Variants in SLC26A11 observed in about 807,000 individuals in gnomAD.
The protein encoded by SLC26A11 is solute carrier family 26 member 11, also known as sodium-independent sulfate anion transporter.
Under a neutral mutation model 62.2 loss-of-function variants are expected in SLC26A11, and 58 were observed. The observed-to-expected ratio is 0.93, with a 90% CI of 0.76 to 1.16. The LOEUF (loss-of-function observed/expected upper bound fraction) is 1.16. Ranked by LOEUF, SLC26A11 falls within the 50% of genes most tolerant of loss-of-function variation. The pLI is 0.00. For synonymous variants in SLC26A11, 411 were observed against 368.9 expected, an observed-to-expected ratio of 1.11 and a Z score of -1.31; for missense variants, 790 against 794.3, an observed-to-expected ratio of 0.99 and a Z score of 0.06.
chr17:80,233,591 T>TTTG (rs1485315811), intron 7 of SLC26A11, among the ~76,000 whole-genome samples: 1 of 151,554 alleles, frequency 6.6e-6, no homozygotes, highest in Admixed American at 6.6e-5. Flanking sequence ...AGCATTTTTT[T>TTTG]TTTTTTATTT....
Position 80,228,051 on chromosome 17 carries a change from T to C in SLC26A11, c.736+91T>C. Reference sequence around the variant, plus strand: ...TAGTCCCACCCTAGGGATTCTCACGTCATTGGTCTGGGTGTCACTTGAGCA... The same window carrying C: ...TAGTCCCACCCTAGGGATTCTCACGCCATTGGTCTGGGTGTCACTTGAGCA... On this transcript the variant is annotated intron_variant, in intron 7 of 17. Transcript: ENST00000361193. The surrounding 1 kb of genome is among the most constrained non-coding windows in gnomAD (Gnocchi z 4.1). The C allele has an allele frequency of 8.2e-7, 1 of 1,221,552 alleles. No individual in the cohort carries two copies. Among genetic ancestry groups the C allele is most frequent in the Non-Finnish European group, 1.1e-6 (1 of 872,024 alleles). 75.7% of individuals were successfully genotyped at this position (1,221,552 alleles called of 1,614,324 possible).
At chr17:80,251,921 G>A (rs748186836) in intron 17 of SLC26A11, among the ~76,000 whole-genome samples, 3 of 152,132 alleles carry the variant, frequency 2.0e-5, no homozygotes, top group African/African-American at 7.2e-5. Flanking sequence ...CATACCTGGT[G>A]CTCTGGAACC....
At chr17:80,237,291 GT>G in intron 8 of SLC26A11, 188 bp downstream of exon 8, 2 of 812,406 alleles carry the variant, frequency 2.5e-6, no homozygotes, top group South Asian at 1.9e-5. Context: ...GCTCAGGGAT[GT>G]CACGTTTGTG....
At chr17:80,243,251 G>T (rs764933295) in intron 10 of SLC26A11, among the ~76,000 whole-genome samples, 1 of 152,152 alleles carries the variant, frequency 6.6e-6, no homozygotes, top group Non-Finnish European at 1.5e-5. Context: ...TGGAGAGCGG[G>T]GCATTGTCCA....
chr17:80,224,414 TGAGTGAGTGA>T (rs1457448747), intron 5 of SLC26A11, among the ~76,000 whole-genome samples: 1 of 141,492 alleles, frequency 7.1e-6, no homozygotes, highest in African/African-American at 2.7e-5. Context: ...AGAGTGAGTG[TGAGTGAGTGA>T]GAGTGGGTGT....
chr17:80,224,413 G>A (rs916949848), intron 5 of SLC26A11, among the ~76,000 whole-genome samples: 1 of 141,528 alleles, frequency 7.1e-6, no homozygotes, highest in South Asian at 2.3e-4. Flanking sequence ...GAGAGTGAGT[G>A]TGAGTGAGTG....
chr17:80,249,099 G>T, intron 15 of SLC26A11, 55 bp from the exon 16 acceptor site: 1 of 1,576,460 alleles, frequency 6.3e-7, no homozygotes, highest in South Asian at 1.1e-5. Context: ...GGCCTCTGCA[G>T]AGCAGCTTTG....
In SLC26A11 at chr17:80,223,303, C is replaced by A. The variant is rs532485121; in HGVS notation, c.479C>A (p.Ala160Asp). Residue 160 changes from alanine to aspartate, a missense_variant, in exon 5 of 18, where the codon GCT becomes GAT. Transcript: ENST00000361193. This position sits in a 1 kb window ranked among gnomAD's most constrained non-coding sequence, Gnocchi z 4.6. ...SYPVIKGFTS[A>D]AAVTIGFGQI... ...CCCGTCATTAAAGGCTTCACCTCTGCTGCTGCCGTCACCATCGGCTTTGGA... is the reference window on the plus strand; with the variant it reads ...CCCGTCATTAAAGGCTTCACCTCTGATGCTGCCGTCACCATCGGCTTTGGA... 5 of 1,614,166 alleles carry A rather than the reference C, an allele frequency of 3.1e-6. No homozygotes were observed. The South Asian group carries it at 5.5e-5, about 18-fold the overall frequency.
intron 7 of SLC26A11, 184 bp from the exon 8 acceptor site, chr17:80,236,744 C>T: frequency 1.5e-6 from 1 of 652,698 alleles, no homozygotes; most frequent in Non-Finnish European, 2.6e-6. Flanking sequence ...TGCCGTCCCA[C>T]CTGCTTATGC....
intron 9 of SLC26A11, among the ~76,000 whole-genome samples, chr17:80,240,569 A>G (rs113244176): frequency 0.011 from 1,651 of 151,612 alleles, 25 homozygotes; most frequent in African/African-American, 0.037. Flanking sequence ...TTGGGAGGCC[A>G]AGGTGGGCGG....
chr17:80,225,878 G>A lies in SLC26A11; in HGVS notation c.555G>A (p.Leu185=), dbSNP rs535352790. ...AGAACATCCCCAGGCCGTTCTTCCT[G>A]CAGGTGTACCACACCTTCCTCAGGA... ...GLQNIPRPFF[L]QVYHTFLRIA... Residue 185 remains leucine, a synonymous_variant, in exon 6 of 18, where the codon CTG becomes CTA. Coordinates refer to ENST00000361193, the MANE Select transcript of SLC26A11 (RefSeq NM_001166347.2). 13 of 1,614,032 alleles carry A rather than the reference G, an allele frequency of 8.1e-6. No homozygotes were observed. The African/African-American group carries it at 1.7e-4, about 22-fold the overall frequency.
chr17:80,224,372 TGCGCGCGC>T (rs536804384), intron 5 of SLC26A11, among the ~76,000 whole-genome samples: 8 of 129,364 alleles, frequency 6.2e-5, no homozygotes, highest in South Asian at 2.7e-4. Context: ...GGAGTGTGAG[TGCGCGCGC>T]GCGTGTGTGA....
chr17:80,250,053 C>T (rs1441041692), intron 16 of SLC26A11, among the ~76,000 whole-genome samples: 7 of 152,180 alleles, frequency 4.6e-5, no homozygotes, highest in African/African-American at 9.7e-5. Flanking sequence ...CCAGGCCCTG[C>T]GTCTTAGGCC....
rs767270256 is a variant in SLC26A11, at chr17:80,246,031, C to T, written c.1098-123C>T. ...CTTTGCCTCGGTCCCCTTGCAGTCC[C>T]CGCCTGCTTCCCAAGCCGTGCTGGG... On this transcript the variant is annotated intron_variant, in intron 11 of 17. Coordinates refer to ENST00000361193, the MANE Select transcript of SLC26A11 (RefSeq NM_001166347.2). This position sits in a 1 kb window ranked among gnomAD's most constrained non-coding sequence, Gnocchi z 4.4. The T allele has an allele frequency of 1.9e-5, 23 of 1,215,000 alleles. No homozygotes were observed. The highest frequency in any genetic ancestry group is 2.2e-5 in the Non-Finnish European group (18 of 823,090). 75.3% of individuals were successfully genotyped at this position (1,215,000 alleles called of 1,614,324 possible).
chr17:80,249,959 T>C (rs987806482), intron 16 of SLC26A11, among the ~76,000 whole-genome samples: 1 of 152,036 alleles, frequency 6.6e-6, no homozygotes, highest in African/African-American at 2.4e-5. Flanking sequence ...GAAAAACGTA[T>C]TGTCAGGGCT....
At chr17:80,248,716 G>A in intron 15 of SLC26A11, 42 bp downstream of exon 15, 6 of 1,527,462 alleles carry the variant, frequency 3.9e-6, no homozygotes, top group Non-Finnish European at 5.3e-6. Flanking sequence ...TCACTCCCCT[G>A]TCCTCTGCCC....
intron 16 of SLC26A11, among the ~76,000 whole-genome samples, chr17:80,249,615 G>A (rs1286779048): frequency 6.6e-6 from 1 of 152,166 alleles, no homozygotes; most frequent in Non-Finnish European, 1.5e-5. Flanking sequence ...AACAAAAAGA[G>A]ACAGGTGAGG....
In SLC26A11 at chr17:80,223,604, C is replaced by T. The variant is rs1230109301; in HGVS notation, c.513+267C>T. Among the ~76,000 whole-genome samples, 3 of 152,276 alleles carry T rather than the reference C, an allele frequency of 2.0e-5. No homozygotes were observed. The highest frequency in any genetic ancestry group is 4.1e-4 in the South Asian group (2 of 4,826). ...GTAATTCCATCCCCCTGCTCTTGCC[C>T]GAGTTTCCGTGCCAGTGTGCTTGGC... On this transcript the variant is annotated intron_variant, in intron 5 of 17. Coordinates refer to ENST00000361193, the MANE Select transcript of SLC26A11 (RefSeq NM_001166347.2). This position sits in a 1 kb window ranked among gnomAD's most constrained non-coding sequence, Gnocchi z 4.6.
At chr17:80,243,226 C>T (rs1414115819) in intron 10 of SLC26A11, among the ~76,000 whole-genome samples, 1 of 152,188 alleles carries the variant, frequency 6.6e-6, no homozygotes, top group African/African-American at 2.4e-5. Context: ...GTTGCCCGGG[C>T]TTCTCTCTGA....
Sources: gnomAD v4.1 joint callset for allele counts (sites outside exome capture counted in the v4.1 genomes callset) on GRCh38, gnomAD v4.1.1 for gene constraint, Gnocchi (gnomAD v3.1) non-coding constraint, MANE v1.5 for transcripts, NCBI Gene and HGNC (gene_info 2026-07-23, HGNC 2026-07-21) for gene names.